Variants in CHSY3 observed in about 807,000 individuals in gnomAD.
The protein encoded by CHSY3 is chondroitin sulfate synthase 3, also known as N-acetylgalactosaminyl-proteoglycan 3-beta-glucuronosyltransferase 3.
A neutral mutation model predicts 67.2 loss-of-function variants in CHSY3; 35 were observed. That is an observed-to-expected ratio of 0.52 (90% CI 0.40 to 0.69). The LOEUF (loss-of-function observed/expected upper bound fraction) is 0.69. Ranked by LOEUF, CHSY3 falls within the 30% of genes least tolerant of loss-of-function variation. CHSY3 has a pLI of 0.00. For missense variants in CHSY3, 1,069 were observed against 1,138.5 expected (o/e 0.94, Z 0.88); for synonymous variants, 474 against 434.7 (o/e 1.09, Z -1.12).
At chr5:130,182,682 G>A (rs1057233924) in intron 2 of CHSY3, among the ~76,000 whole-genome samples, 10 of 151,954 alleles carry the variant, frequency 6.6e-5, no homozygotes, top group African/African-American at 1.2e-4. Context: ...TAGGGGATCC[G>A]TTTTTACTTT....
intron 2 of CHSY3, among the ~76,000 whole-genome samples, chr5:130,071,850 A>G (rs1362025073): frequency 2.0e-5 from 3 of 151,958 alleles, no homozygotes; most frequent in Non-Finnish European, 4.4e-5. Flanking sequence ...CCACATTCTT[A>G]CTAACATTGG....
intron 2 of CHSY3, among the ~76,000 whole-genome samples, chr5:130,000,383 T>C (rs371022082): frequency 2.3e-3 from 354 of 152,334 alleles, no homozygotes; most frequent in African/African-American, 7.6e-3. Flanking sequence ...TTATATCTGA[T>C]TTTAAATTTC....
At chr5:129,981,091 G>T (rs1038880616) in intron 2 of CHSY3, among the ~76,000 whole-genome samples, 1 of 151,402 alleles carries the variant, frequency 6.6e-6, no homozygotes, top group Non-Finnish European at 1.5e-5. Context: ...CGTGGTGGCG[G>T]GCGCCTGTAG....
intron 2 of CHSY3, among the ~76,000 whole-genome samples, chr5:130,038,921 A>G (rs2149664195): frequency 6.6e-6 from 1 of 152,248 alleles, no homozygotes; most frequent in Middle Eastern, 3.4e-3. Flanking sequence ...TATTATATTT[A>G]CATTTCCTTG....
chr5:129,974,508 G>A (rs977841340), intron 2 of CHSY3, among the ~76,000 whole-genome samples: 1 of 151,944 alleles, frequency 6.6e-6, no homozygotes, highest in African/African-American at 2.4e-5. Flanking sequence ...CTTTGTCTCC[G>A]CTGAAAATCA....
At chr5:130,096,983 A>G (rs1156886370) in intron 2 of CHSY3, among the ~76,000 whole-genome samples, 2 of 152,214 alleles carry the variant, frequency 1.3e-5, no homozygotes, top group African/African-American at 4.8e-5. Flanking sequence ...TAAATATGAT[A>G]TTTTAGTATT....
At chr5:129,975,876 T>C (rs913456724) in intron 2 of CHSY3, among the ~76,000 whole-genome samples, 5 of 151,992 alleles carry the variant, frequency 3.3e-5, no homozygotes, top group Admixed American at 3.3e-4. Context: ...TAAAATGAGA[T>C]AGTTTATGTG....
intron 2 of CHSY3, among the ~76,000 whole-genome samples, chr5:130,007,744 C>T (rs974141313): frequency 1.3e-5 from 2 of 152,106 alleles, no homozygotes; most frequent in African/African-American, 2.4e-5. Flanking sequence ...CCTCAAGACT[C>T]GCCAAATTCC....
chr5:130,024,251 TA>T (rs1288437807), intron 2 of CHSY3, among the ~76,000 whole-genome samples: 1 of 151,380 alleles, frequency 6.6e-6, no homozygotes, highest in Non-Finnish European at 1.5e-5. Context: ...ACATTAGAAA[TA>T]AAATATCAAG....
At chr5:129,981,976 C>T (rs1019609269) in intron 2 of CHSY3, among the ~76,000 whole-genome samples, 2 of 151,994 alleles carry the variant, frequency 1.3e-5, no homozygotes, top group African/African-American at 4.8e-5. Flanking sequence ...CTTCTTTAAC[C>T]TGTTGATGTG....
At chr5:130,101,605 T>G (rs958468164) in intron 2 of CHSY3, among the ~76,000 whole-genome samples, 8 of 152,136 alleles carry the variant, frequency 5.3e-5, no homozygotes, top group African/African-American at 1.9e-4. Flanking sequence ...ACTTAACATT[T>G]ATTTACTGTC....
intron 2 of CHSY3, among the ~76,000 whole-genome samples, chr5:130,027,345 C>A (rs1478317560): frequency 6.6e-6 from 1 of 151,906 alleles, no homozygotes; most frequent in Non-Finnish European, 1.5e-5. Flanking sequence ...TAGTAGAGCA[C>A]CTCAACCTCT....
intron 2 of CHSY3, among the ~76,000 whole-genome samples, chr5:130,145,223 ACAACTGGTGCTGG>A (rs1561557971): frequency 6.6e-6 from 1 of 152,210 alleles, no homozygotes; most frequent in Non-Finnish European, 1.5e-5. Context: ...TCACATCAAA[ACAACTGGTGCTGG>A]CATAAAAACA....
intron 2 of CHSY3, among the ~76,000 whole-genome samples, chr5:129,914,686 T>C (rs1760681910): frequency 6.6e-6 from 1 of 152,212 alleles, no homozygotes; most frequent in Non-Finnish European, 1.5e-5. Context: ...TCCACACTGT[T>C]TTCTTCATTA....
chr5:129,942,214 T>A (rs985631088), intron 2 of CHSY3, among the ~76,000 whole-genome samples: 74 of 152,216 alleles, frequency 4.9e-4, no homozygotes, highest in African/African-American at 1.5e-3. Context: ...ACACCCAACA[T>A]TGTATCAAAA....
At chr5:130,158,276 C>T (rs923117535) in intron 2 of CHSY3, among the ~76,000 whole-genome samples, 1 of 151,986 alleles carries the variant, frequency 6.6e-6, no homozygotes, top group Non-Finnish European at 1.5e-5. Flanking sequence ...CTCTGACAAT[C>T]AAAGTTGTCT....
chr5:129,950,924 C>CA (rs1369361326), intron 2 of CHSY3, among the ~76,000 whole-genome samples: 6 of 152,048 alleles, frequency 3.9e-5, no homozygotes, highest in Non-Finnish European at 7.4e-5. Flanking sequence ...CATGGAAATA[C>CA]AAAAAATCCT....
At chr5:129,910,863 A>G (rs1760514821) in intron 2 of CHSY3, among the ~76,000 whole-genome samples, 1 of 152,084 alleles carries the variant, frequency 6.6e-6, no homozygotes, top group Admixed American at 6.5e-5. Context: ...CTCATTAAAA[A>G]AGCTATGAAA....
Position 130,184,989 on chromosome 5 carries a change from A to C in CHSY3, c.1847A>C (p.His616Pro), listed in dbSNP as rs750520567. The change falls in exon 3 of 3, where the codon CAC becomes CCC. Residue 616 changes from histidine (H) to proline (P), a missense_variant. His to Pro is a moderately conservative substitution (Grantham distance 77). Around this residue, in one of 5 missense-constraint regions of CHSY3, gnomAD observed 401 missense variants for 395.2 expected, o/e 1.01. Coordinates refer to ENST00000305031, the MANE Select transcript of CHSY3 (RefSeq NM_175856.5). ...CAAGGTGCCAAAGAAATGGGAGGGC[A>C]CAATGAAAAGAAAGTACACATTCTC... is the stretch of plus-strand genomic sequence containing the variant. ...SFQGAKEMGG[H>P]NEKKVHILVP... The C allele has an allele frequency of 6.4e-7, 1 of 1,557,358 alleles. No individual in the cohort carries two copies. The highest frequency in any genetic ancestry group is 1.7e-5 in the Admixed American group (1 of 59,914).
Sources: allele counts gnomAD v4.1 joint callset (sites outside exome capture counted in the v4.1 genomes callset), GRCh38; gene constraint gnomAD v4.1.1; regional missense constraint gnomAD v4.1.1; transcripts MANE v1.5; gene names NCBI Gene and HGNC (gene_info 2026-07-23, HGNC 2026-07-21).